CTIF: variants seen among roughly 807,000 people sequenced by gnomAD.
CTIF encodes the protein CBP80/20-dependent translation initiation factor.
A neutral mutation model predicts 66.0 loss-of-function variants in CTIF; 21 were observed. That is an observed-to-expected ratio of 0.32 (90% CI 0.23 to 0.46). The LOEUF (loss-of-function observed/expected upper bound fraction) is 0.46, where lower values mean the gene tolerates loss of function less well. Ranked by LOEUF, CTIF falls within the 20% of genes least tolerant of loss-of-function variation. CTIF has a pLI of 1.00. For synonymous variants in CTIF, 345 were observed against 326.4 expected (o/e 1.06, Z -0.62); for missense variants, 739 against 812.7 (o/e 0.91, Z 1.10).
At chr18:48,699,346 C>T (rs765646133) in intron 6 of CTIF, among the ~76,000 whole-genome samples, 1 of 146,404 alleles carries the variant, frequency 6.8e-6, no homozygotes, top group African/African-American at 2.6e-5. Context: ...TCTGCCTTGC[C>T]CAGAGTCCTG....
At chr18:48,717,449 T>G (rs935323026) in intron 7 of CTIF, among the ~76,000 whole-genome samples, 1 of 142,374 alleles carries the variant, frequency 7.0e-6, no homozygotes, top group African/African-American at 2.6e-5. Context: ...AAATAAATAA[T>G]AAGAATTTTG....
At chr18:48,732,796 A>G (rs2092467882) in intron 7 of CTIF, among the ~76,000 whole-genome samples, 1 of 152,218 alleles carries the variant, frequency 6.6e-6, no homozygotes, top group South Asian at 2.1e-4. Flanking sequence ...ACGGAGGGAC[A>G]GAGCTGTCCA....
At chr18:48,714,566 C>T (rs1472745466) in intron 7 of CTIF, among the ~76,000 whole-genome samples, 1 of 152,220 alleles carries the variant, frequency 6.6e-6, no homozygotes, top group Non-Finnish European at 1.5e-5. Context: ...TTTCCCACAG[C>T]CTGGAGCAGG....
intron 1 of CTIF, among the ~76,000 whole-genome samples, chr18:48,600,257 C>T (rs974574215): frequency 5.9e-5 from 9 of 152,032 alleles, no homozygotes; most frequent in Admixed American, 1.3e-4. Context: ...AGTGACTTGG[C>T]GCTGGGGAGA....
chr18:48,767,917 A>C (rs746463790), intron 9 of CTIF, among the ~76,000 whole-genome samples: 12 of 151,958 alleles, frequency 7.9e-5, no homozygotes, highest in Non-Finnish European at 1.6e-4. Context: ...GGCACTCAAG[A>C]TTTTCTGGCT....
chr18:48,599,669 A>C (rs1228920038), intron 1 of CTIF, among the ~76,000 whole-genome samples: 1 of 152,170 alleles, frequency 6.6e-6, no homozygotes, highest in African/African-American at 2.4e-5. Flanking sequence ...TGTCCCCCTC[A>C]TGCCAGCACC....
At position 48,795,779 on chromosome 18, in the gene CTIF, C is replaced by T. The variant is rs111528359; in HGVS notation, c.1372-21442C>T. 1.3e-5 allele frequency among the ~76,000 whole-genome samples: 2 copies of T among 152,264 alleles called. 1 individual carries two copies. Among genetic ancestry groups the T allele is most frequent in the African/African-American group, 4.8e-5 (2 of 41,554 alleles). Reference sequence around the variant, plus strand: ...AAGAATTTCAGACTATTAGGGGAGGCCATCTCTCTTGAGGGAGGGTTTAGT... The same window carrying T: ...AAGAATTTCAGACTATTAGGGGAGGTCATCTCTCTTGAGGGAGGGTTTAGT... On this transcript the variant is annotated intron_variant, in intron 9 of 11. Coordinates refer to ENST00000256413, the MANE Select transcript of CTIF (RefSeq NM_014772.3).
chr18:48,713,571 C>T (rs1168599726), intron 7 of CTIF, among the ~76,000 whole-genome samples: 1 of 152,034 alleles, frequency 6.6e-6, no homozygotes, highest in African/African-American at 2.4e-5. Context: ...GCACACCTCC[C>T]AAAGGATGTG....
chr18:48,799,009 A>G (rs1183944973), intron 9 of CTIF, among the ~76,000 whole-genome samples: 1 of 152,186 alleles, frequency 6.6e-6, no homozygotes, highest in Non-Finnish European at 1.5e-5. Context: ...TCTCGCTGCC[A>G]CCAGCGCGTG....
At chr18:48,727,771 G>T (rs1361392988) in intron 7 of CTIF, among the ~76,000 whole-genome samples, 1 of 152,230 alleles carries the variant, frequency 6.6e-6, no homozygotes, top group African/African-American at 2.4e-5. Context: ...CTCTGAGGCA[G>T]CACCGCTGAA....
intron 1 of CTIF, among the ~76,000 whole-genome samples, chr18:48,584,627 C>T (rs1341335552): frequency 2.0e-5 from 3 of 152,150 alleles, no homozygotes; most frequent in Non-Finnish European, 4.4e-5. Flanking sequence ...GTGACTTGCC[C>T]AGGCCATCCC....
At chr18:48,583,325 T>C (rs73441500) in intron 1 of CTIF, among the ~76,000 whole-genome samples, 16,979 of 152,276 alleles carry the variant, frequency 0.11, 1,066 homozygotes, top group African/African-American at 0.15. Context: ...AATTAGATGC[T>C]GCAGAAAATG....
chr18:48,575,446 C>T lies in CTIF; in HGVS notation c.-29+36134C>T, dbSNP rs561020590. Among the ~76,000 whole-genome samples the T allele has an allele frequency of 3.7e-3, 566 of 152,276 alleles. 2 individuals are homozygous for T. The highest frequency in any genetic ancestry group is 6.8e-3 in the Middle Eastern group (2 of 294). On this transcript the variant is annotated intron_variant, in intron 1 of 11. Coordinates refer to ENST00000256413, the MANE Select transcript of CTIF (RefSeq NM_014772.3). ...GAATTTTCCTTACTGTGAACACTGC[C>T]GACTTTAATTAGATTAATTTTCGAT... is the stretch of plus-strand genomic sequence containing the variant.
chr18:48,709,693 G>A (rs1354080346), intron 6 of CTIF, among the ~76,000 whole-genome samples: 1 of 152,248 alleles, frequency 6.6e-6, no homozygotes, highest in Admixed American at 6.5e-5. Flanking sequence ...CCAGAGCCTA[G>A]TCAGGGTGGG....
intron 1 of CTIF, chr18:48,567,348 T>G (rs2089301470): frequency 6.6e-6 from 1 of 152,316 alleles, no homozygotes; most frequent in South Asian, 2.1e-4. Context: ...AGAACGATAT[T>G]CTGTTTAAAA....
chr18:48,711,092 G>A (rs1376288337), intron 6 of CTIF, among the ~76,000 whole-genome samples: 1 of 152,216 alleles, frequency 6.6e-6, no homozygotes, highest in East Asian at 1.9e-4. Context: ...TTCACTGGGG[G>A]TGCCTGGACT....
chr18:48,762,262 A>G (rs1163235771), intron 9 of CTIF, among the ~76,000 whole-genome samples: 1 of 152,038 alleles, frequency 6.6e-6, no homozygotes, highest in African/African-American at 2.4e-5. Context: ...ATATCCCTTC[A>G]CCTCTGACAG....
chr18:48,822,502 C>G (rs1199528776), intron 10 of CTIF, among the ~76,000 whole-genome samples: 8 of 57,134 alleles, frequency 1.4e-4, no homozygotes, highest in East Asian at 1.0e-3. Flanking sequence ...CACCCCCACC[C>G]CCAACACACA....
At chr18:48,770,351 G>A (rs1338407499) in intron 9 of CTIF, among the ~76,000 whole-genome samples, 1 of 152,270 alleles carries the variant, frequency 6.6e-6, no homozygotes, top group East Asian at 1.9e-4. Context: ...CCACTACTGT[G>A]TTCTTCAAAA....
Sources: allele counts gnomAD v4.1 joint callset (sites outside exome capture counted in the v4.1 genomes callset), GRCh38; gene constraint gnomAD v4.1.1; transcripts MANE v1.5; gene names NCBI Gene and HGNC (gene_info 2026-07-23, HGNC 2026-07-21).